ATXN2L: variants seen among roughly 807,000 people sequenced by gnomAD.
ATXN2L encodes the protein ataxin-2-like protein.
Under a neutral mutation model 120.7 loss-of-function variants are expected in ATXN2L, and 24 were observed. The ratio of observed to expected loss-of-function variants is 0.20; its 90% CI spans 0.14 to 0.28. The LOEUF is 0.28. Among genes scored for constraint, ATXN2L ranks in the 10% least tolerant of loss-of-function variants. ATXN2L has a pLI of 1.00. For missense variants in ATXN2L, 1,312 were observed against 1,432.3 expected (o/e 0.92, Z 1.36); for synonymous variants, 653 against 568.1 (o/e 1.15, Z -2.13).
chr16:28,823,415 A>C lies in ATXN2L; in HGVS notation c.156A>C (p.Pro52=). 1.5e-6 allele frequency: 2 copies of C among 1,305,144 alleles called. No homozygotes were observed. Among genetic ancestry groups the C allele is most frequent in the Non-Finnish European group, 1.9e-6 (2 of 1,030,454 alleles). The allele number at this position is 1,305,144 out of a possible 1,614,324, so 80.8% of individuals were successfully genotyped here. Residue 52 remains proline (P), a synonymous_variant, in exon 1 of 22, where the codon CCA becomes CCC. Transcript: ENST00000336783. ...LATSAAPPGP[P]AAASPCLGPV... is the part of the protein sequence containing the mutation. ...CCTCTGCGGCTCCTCCCGGGCCTCCAGCGGCCGCCTCCCCCTGCCTGGGGC... is the reference window on the plus strand; with the variant it reads ...CCTCTGCGGCTCCTCCCGGGCCTCCCGCGGCCGCCTCCCCCTGCCTGGGGC...
At chr16:28,826,626 A>G (rs1174464514) in intron 5 of ATXN2L, 2 of 593,320 alleles carry the variant, frequency 3.4e-6, no homozygotes, top group Non-Finnish European at 5.5e-6. Context: ...GGTTCTTCAT[A>G]TTTTCTTTGC....
Position 28,834,624 on chromosome 16 carries a change from C to T in ATXN2L, c.2364C>T (p.Ile788=), listed in dbSNP as rs767069597. The change falls in exon 18 of 22, where the codon ATC becomes ATT. Residue 788 remains isoleucine, a synonymous_variant. Coordinates refer to ENST00000336783, the MANE Select transcript of ATXN2L (RefSeq NM_007245.4). The stretch of plus-strand genomic sequence containing the variant: ...CTGCCACGCCCTATTCTTCCTACAT[C>T]CCCTACAACCCTCAGCAGTTCCCAG... ...LVAATPYSSY[I]PYNPQQFPGQ... is the part of the protein sequence containing the mutation. 3.1e-5 allele frequency: 50 copies of T among 1,613,860 alleles called. No homozygotes were observed. In the African/African-American group the frequency reaches 3.5e-4, roughly 11 times the overall value.
rs1317664633 is a variant in ATXN2L at position 28,834,166 on chromosome 16, G to A, written c.2127G>A (p.Gln709=). 1.9e-6 allele frequency: 3 copies of A among 1,614,010 alleles called. No individual in the cohort carries two copies. The highest frequency in any genetic ancestry group is 1.3e-5 in the African/African-American group (1 of 74,910). The change falls in exon 16 of 22, where the codon CAG becomes CAA. Residue 709 remains glutamine (Q), a synonymous_variant. Coordinates refer to ENST00000336783, the MANE Select transcript of ATXN2L (RefSeq NM_007245.4). ...GCCAGAGTGGGCTATACAGCCCCCA[G>A]TACATCTCCTACATACCTCAGATCC... ...TAGQSGLYSP[Q]YISYIPQIHM... is the part of the protein sequence containing the mutation.
At position 28,826,248 on chromosome 16, in the gene ATXN2L, A is replaced by G. The variant is rs2051936379; in HGVS notation, c.474A>G (p.Leu158=). ...IFKTLSSKFE[L]AVDAVHRKAS... is the part of the protein sequence containing the mutation. ...GAATGGGGTGTTTGTAGTTTGAACTAGCCGTGGATGCTGTGCACCGGAAAG... is the reference window on the plus strand; with the variant it reads ...GAATGGGGTGTTTGTAGTTTGAACTGGCCGTGGATGCTGTGCACCGGAAAG... The change falls in exon 5 of 22, where the codon CTA becomes CTG. Residue 158 remains leucine, a synonymous_variant. Transcript: ENST00000336783. The G allele has an allele frequency of 6.2e-7, 1 of 1,614,188 alleles. No individual in the cohort carries two copies.
At position 28,835,767 on chromosome 16, in the gene ATXN2L, C is replaced by T. The variant is rs774456657; in HGVS notation, c.2895+9C>T. On this transcript the variant is annotated intron_variant, in intron 21 of 21. Coordinates refer to ENST00000336783, the MANE Select transcript of ATXN2L (RefSeq NM_007245.4). ...TGGCCCATGTTACCCAGGTAAGAGC[C>T]CAGCTGTCCCACTTCTGGGTCTGTT... is the stretch of plus-strand genomic sequence containing the variant. 5.0e-6 allele frequency: 8 copies of T among 1,613,952 alleles called. No homozygotes were observed. The highest frequency in any genetic ancestry group is 6.8e-6 in the Non-Finnish European group (8 of 1,179,896).
Position 28,835,624 on chromosome 16 carries a change from G to C in ATXN2L, c.2761G>C (p.Gly921Arg). ...QNLYHPGALT[G>R]TPPSLPPGPS... is the part of the protein sequence containing the mutation. ...TCTGTACCACCCAGGGGCCCTGACA[G>C]GCACGCCGCCCTCTCTGCCACCGGG... is the stretch of plus-strand genomic sequence containing the variant. Residue 921 changes from glycine to arginine, a missense_variant, in exon 21 of 22, where the codon GGC becomes CGC. Physicochemically the swap from Gly to Arg is moderately radical, Grantham distance 125. Coordinates refer to ENST00000336783, the MANE Select transcript of ATXN2L (RefSeq NM_007245.4). 1 of 1,614,000 alleles carries C rather than the reference G, an allele frequency of 6.2e-7. No individual in the cohort carries two copies. Among genetic ancestry groups the C allele is most frequent in the Non-Finnish European group, 8.5e-7 (1 of 1,179,964 alleles).
At chr16:28,823,807 G>C (rs2050511686) in intron 1 of ATXN2L, 1 of 396,282 alleles carries the variant, frequency 2.5e-6, no homozygotes. Context: ...CCGGCCTTCA[G>C]GGGAGGCGGG....
chr16:28,823,586 AGCCGCGGCCACCCAGAG>A, intron 1 of ATXN2L, 28 bp downstream of exon 1: 1 of 1,302,506 alleles, frequency 7.7e-7, no homozygotes. Context: ...CGGGCGAGGG[AGCCGCGGCCACCCAGAG>A]GCTGTGGCTC....
chr16:28,825,400 C>T lies in ATXN2L; in HGVS notation c.334C>T (p.Pro112Ser). The change falls in exon 2 of 22, where the codon CCT becomes TCT. Residue 112 changes from proline to serine, a missense_variant and splice_region_variant. Physicochemically the swap from Pro to Ser is moderately conservative, Grantham distance 74. Transcript: ENST00000336783. ...CACAGGAAAGGGACCCCCACAGTCA[C>T]CTGTGAGTGTCTTCTCCCACCCTGT... ...QSTGKGPPQS[P>S]VFEGVYNNSR... is the part of the protein sequence containing the mutation. 1.9e-6 allele frequency: 3 copies of T among 1,613,724 alleles called. No individual in the cohort carries two copies. Among genetic ancestry groups the T allele is most frequent in the Non-Finnish European group, 2.5e-6 (3 of 1,179,834 alleles).
intron 2 of ATXN2L, 36 bp from the exon 3 acceptor site, chr16:28,825,588 T>C (rs746099180): frequency 6.2e-7 from 1 of 1,602,812 alleles, no homozygotes; most frequent in Non-Finnish European, 8.5e-7. Flanking sequence ...GTTGACTGAT[T>C]ACTCCTTTAA....
Position 28,829,424 on chromosome 16 carries a change from A to G in ATXN2L, c.765A>G (p.Glu255=). Residue 255 remains glutamate, a synonymous_variant, in exon 7 of 22, where the codon GAA becomes GAG. Coordinates refer to ENST00000336783, the MANE Select transcript of ATXN2L (RefSeq NM_007245.4). ...AGTCCAATGGATGGGACCCCAATGA[A>G]ATGTTCAAGTTCAATGAGGAGAACT... ...SDMSNGWDPN[E]MFKFNEENYG... The G allele has an allele frequency of 6.2e-7, 1 of 1,613,370 alleles. No individual in the cohort carries two copies. Among genetic ancestry groups the G allele is most frequent in the Non-Finnish European group, 8.5e-7 (1 of 1,179,374 alleles).
chr16:28,823,674 C>A, intron 1 of ATXN2L, 116 bp downstream of exon 1: 1 of 1,077,678 alleles, frequency 9.3e-7, no homozygotes, highest in Non-Finnish European at 1.2e-6. Context: ...GTGGGGAGTC[C>A]CCGTGAAGCT....
intron 2 of ATXN2L, 79 bp from the exon 3 acceptor site, chr16:28,825,545 A>C: frequency 6.5e-7 from 1 of 1,539,870 alleles, no homozygotes; most frequent in Non-Finnish European, 9.0e-7. Flanking sequence ...GAATGAGTAG[A>C]GTGCGGCGGG....
intron 10 of ATXN2L, among the ~76,000 whole-genome samples, chr16:28,831,853 C>T (rs1342726146): frequency 6.6e-6 from 1 of 152,166 alleles, no homozygotes; most frequent in Non-Finnish European, 1.5e-5. Context: ...CCATTGCACT[C>T]CAGTCTGGGG....
rs1244897171 is a variant in ATXN2L at position 28,835,962 on chromosome 16, C to T, written c.2925C>T (p.Ala975=). The change falls in exon 22 of 22, where the codon GCC becomes GCT. Residue 975 remains alanine, a synonymous_variant. Transcript: ENST00000336783. ...ATGTCCAAACTGGAATCACAGCAGCCCCGCCCCCTCACCCTGGGGCTCCCC... is the reference window on the plus strand; with the variant it reads ...ATGTCCAAACTGGAATCACAGCAGCTCCGCCCCCTCACCCTGGGGCTCCCC... ...QAHVQTGITA[A]PPPHPGAPHP... is the part of the protein sequence containing the mutation. 6.5e-7 allele frequency: 1 copy of T among 1,542,010 alleles called. No individual in the cohort carries two copies. The highest frequency in any genetic ancestry group is 8.7e-7 in the Non-Finnish European group (1 of 1,144,770).
At chr16:28,824,600 C>A (rs1295945213) in intron 1 of ATXN2L, 1 of 1,242,794 alleles carries the variant, frequency 8.0e-7, no homozygotes, top group Admixed American at 2.6e-5. Context: ...GAGGGGATAC[C>A]CCTCCTCCCA....
rs2055269709 is a variant in ATXN2L at position 28,833,432 on chromosome 16, C to G, written c.1956-7C>G. On this transcript the variant is annotated splice_polypyrimidine_tract_variant and splice_region_variant and intron_variant, in intron 14 of 21. Transcript: ENST00000336783. ...GCCGTGAAGATTTACTGTACTTTCT[C>G]TCACAGACAAGTAAAGAAATCAACG... 5.6e-6 allele frequency: 9 copies of G among 1,614,082 alleles called. No individual in the cohort carries two copies. The East Asian group carries it at 1.1e-4, about 20-fold the overall frequency.
rs1272847764 is a variant in ATXN2L, at chr16:28,823,228, T to C, written c.-32T>C. 4 of 1,334,956 alleles carry C rather than the reference T, an allele frequency of 3.0e-6. No individual in the cohort carries two copies. Among genetic ancestry groups the C allele is most frequent in the African/African-American group, 1.6e-5 (1 of 64,466 alleles). 82.7% of individuals were successfully genotyped at this position (1,334,956 alleles called of 1,614,324 possible). A position where few individuals can be genotyped will look rare whatever the true frequency, so the allele number is the denominator to read the frequency against. On this transcript the variant is annotated 5_prime_UTR_variant, in exon 1 of 22. Coordinates refer to ENST00000336783, the MANE Select transcript of ATXN2L (RefSeq NM_007245.4). The stretch of plus-strand genomic sequence containing the variant: ...GCCCCGGCCCCCTCTCTCCCTCCCT[T>C]CTCTCTAATTCCCCTTCCGGACGCT...
At position 28,836,958 on chromosome 16, in the gene ATXN2L, G is replaced by A. The variant is rs780478842; in HGVS notation, c.*693G>A. On this transcript the variant is annotated 3_prime_UTR_variant, in exon 22 of 22. Transcript: ENST00000336783. Reference sequence around the variant, plus strand: ...TCACAGAGGGCAGGGCCAGGGTCCAGCAGGGGTGGGGGGTTCCTGCTCTGC... The same window carrying A: ...TCACAGAGGGCAGGGCCAGGGTCCAACAGGGGTGGGGGGTTCCTGCTCTGC... The A allele has an allele frequency of 6.9e-5, 49 of 707,154 alleles. No homozygotes were observed. The South Asian group carries it at 8.0e-4, about 12-fold the overall frequency. The allele number at this position is 707,154 out of a possible 1,614,324, so 43.8% of individuals were successfully genotyped here.
Sources: gnomAD v4.1 joint callset for allele counts (sites outside exome capture counted in the v4.1 genomes callset) on GRCh38, gnomAD v4.1.1 for gene constraint, MANE v1.5 for transcripts, NCBI Gene and HGNC (gene_info 2026-07-23, HGNC 2026-07-21) for gene names.